The following LRP8 variants were observed in gnomAD, a reference collection of about 807,000 sequenced individuals.
The protein encoded by LRP8 is LDL receptor related protein 8, also known as low-density lipoprotein receptor-related protein 8.
In LRP8, 46 loss-of-function variants were observed where a neutral mutation model predicts 111.6. The ratio of observed to expected loss-of-function variants is 0.41; its 90% CI spans 0.33 to 0.53. LRP8 has a LOEUF of 0.53. Among genes scored for constraint, LRP8 ranks in the 20% least tolerant of loss-of-function variants. The pLI is 0.20. For missense variants in LRP8, 959 were observed against 1,297.4 expected, an observed-to-expected ratio of 0.74 and a Z score of 4.01; for synonymous variants, 464 against 511.2, an observed-to-expected ratio of 0.91 and a Z score of 1.24.
chr1:53,276,589 T>C, intron 5 of LRP8, 103 bp downstream of exon 5: 1 of 896,876 alleles, frequency 1.1e-6, no homozygotes, highest in Non-Finnish European at 1.5e-6. Context: ...CCGGGTAATG[T>C]ATTCAGGTAA....
chr1:53,243,806 G>C lies in LRP8; in HGVS notation c.*3212C>G, dbSNP rs1056147866. 6.6e-6 allele frequency: 1 copy of C among 152,162 alleles called. No homozygotes were observed. Among genetic ancestry groups the C allele is most frequent in the Admixed American group, 6.5e-5 (1 of 15,280 alleles). 9.4% of individuals were successfully genotyped at this position (152,162 alleles called of 1,614,324 possible). On this transcript the variant is annotated 3_prime_UTR_variant, in exon 19 of 19. Coordinates refer to ENST00000306052, the MANE Select transcript of LRP8 (RefSeq NM_004631.5). ...GACCCTATTCCTCATTTCTTAGGTG[G>C]AAAGACCCCTCTCTCCTTTGAGCCC...
At chr1:53,327,459 G>A in intron 1 of LRP8, 1 of 266,808 alleles carries the variant, frequency 3.7e-6, no homozygotes, top group Admixed American at 5.4e-5. Context: ...GCCGCGGAGC[G>A]CGCGTGTCAA....
chr1:53,258,695 A>G (rs1337968486), intron 13 of LRP8, among the ~76,000 whole-genome samples: 6 of 150,828 alleles, frequency 4.0e-5, no homozygotes, highest in Admixed American at 3.3e-4. Context: ...CTGGTACTTT[A>G]GCGCACCTGT....
At chr1:53,321,208 C>T (rs375586957) in intron 2 of LRP8, among the ~76,000 whole-genome samples, 7 of 152,224 alleles carry the variant, frequency 4.6e-5, no homozygotes, top group African/African-American at 7.2e-5. Flanking sequence ...AAAAAGGACA[C>T]GTTGTGGGAG....
At chr1:53,277,123 G>C in intron 4 of LRP8, 45 bp from the exon 5 acceptor site, 2 of 1,412,144 alleles carry the variant, frequency 1.4e-6, no homozygotes, top group Non-Finnish European at 1.8e-6. Flanking sequence ...CCCCTCCCCG[G>C]CCGACCTGGG....
At chr1:53,304,098 C>G (rs574720348) in intron 2 of LRP8, among the ~76,000 whole-genome samples, 5 of 152,182 alleles carry the variant, frequency 3.3e-5, no homozygotes, top group Admixed American at 2.0e-4. Flanking sequence ...ACTTGCTGAG[C>G]GATAAAGGAA....
At position 53,289,615 on chromosome 1, in the gene LRP8, C is replaced by T. The variant is rs935956412; in HGVS notation, c.319G>A (p.Gly107Ser). Residue 107 changes from glycine (G) to serine (S), a missense_variant, in exon 3 of 19, where the codon GGC (glycine) becomes AGC (serine). This residue lies in a region of LRP8 where 43 missense variants were observed against 92.4 expected (regional missense o/e 0.47). Coordinates refer to ENST00000306052, the MANE Select transcript of LRP8 (RefSeq NM_004631.5). ...GAGCCATCAGGACACTCCTCCTCGC[C>T]GTCACACTTCCACCGTTCGTGGATG... The part of the protein sequence containing the change: ...HCIHERWKCD[G>S]EEECPDGSDE... 11 of 1,612,098 alleles carry T rather than the reference C, an allele frequency of 6.8e-6. No individual in the cohort carries two copies. The highest frequency in any genetic ancestry group is 2.7e-5 in the African/African-American group (2 of 74,862).
intron 2 of LRP8, among the ~76,000 whole-genome samples, chr1:53,316,239 T>C (rs1653776868): frequency 6.6e-6 from 1 of 152,110 alleles, no homozygotes; most frequent in Admixed American, 6.5e-5. Context: ...AAGCCAGGTC[T>C]GGCTGCTGCT....
intron 8 of LRP8, among the ~76,000 whole-genome samples, chr1:53,270,574 C>A (rs1417581308): frequency 6.6e-6 from 1 of 152,078 alleles, no homozygotes; most frequent in African/African-American, 2.4e-5. Flanking sequence ...CAGGCAGGGA[C>A]TTAAAGCAGG....
chr1:53,281,536 G>A (rs578158475), intron 3 of LRP8, among the ~76,000 whole-genome samples: 7 of 152,334 alleles, frequency 4.6e-5, no homozygotes, highest in African/African-American at 1.7e-4. Context: ...TGGTCTCTAG[G>A]ATGTGCCAGG....
intron 2 of LRP8, among the ~76,000 whole-genome samples, chr1:53,315,689 C>T (rs1477071767): frequency 6.6e-6 from 1 of 152,158 alleles, no homozygotes; most frequent in Non-Finnish European, 1.5e-5. Context: ...ACCAAATGGG[C>T]CTGGAAGGGG....
At chr1:53,281,313 G>T (rs180795611) in intron 3 of LRP8, among the ~76,000 whole-genome samples, 1 of 152,350 alleles carries the variant, frequency 6.6e-6, no homozygotes, top group East Asian at 1.9e-4. Flanking sequence ...TACTGCAGCC[G>T]CAATCAGAGG....
At chr1:53,278,462 A>G (rs890101898) in intron 4 of LRP8, among the ~76,000 whole-genome samples, 1 of 152,184 alleles carries the variant, frequency 6.6e-6, no homozygotes, top group Admixed American at 6.5e-5. Flanking sequence ...AAAAATGTGA[A>G]TTTTCATTGT....
chr1:53,303,712 A>C lies in LRP8; in HGVS notation c.245-14023T>G, dbSNP rs1651413724. ...ACAAAACCCTAGAAGCTTCTAATCT[A>C]ATCCAGGCACCAGGAGTGGCAAAGG... is the stretch of plus-strand genomic sequence containing the variant. On this transcript the variant is annotated intron_variant, in intron 2 of 18. Coordinates refer to ENST00000306052, the MANE Select transcript of LRP8 (RefSeq NM_004631.5). This position sits in a 1 kb window ranked among gnomAD's most constrained non-coding sequence, Gnocchi z 4.3. 6.6e-6 allele frequency among the ~76,000 whole-genome samples: 1 copy of C among 152,198 alleles called. No homozygotes were observed. Among genetic ancestry groups the C allele is most frequent in the African/African-American group, 2.4e-5 (1 of 41,454 alleles).
At chr1:53,302,856 ATTT>A (rs769628078) in intron 2 of LRP8, among the ~76,000 whole-genome samples, 2 of 126,604 alleles carry the variant, frequency 1.6e-5, no homozygotes, top group East Asian at 2.6e-4. Flanking sequence ...CACCCAGCTA[ATTT>A]TTTTTTTTTT....
intron 4 of LRP8, among the ~76,000 whole-genome samples, chr1:53,277,319 A>T (rs1646958206): frequency 6.6e-6 from 1 of 152,194 alleles, no homozygotes; most frequent in Non-Finnish European, 1.5e-5. Flanking sequence ...GTAAATGAGC[A>T]TGAGCATGGT....
Position 53,262,713 on chromosome 1 carries a change from T to C in LRP8, c.1656-149A>G. The C allele has an allele frequency of 1.4e-6, 1 of 692,060 alleles. No homozygotes were observed. The highest frequency in any genetic ancestry group is 2.5e-5 in the East Asian group (1 of 40,418). The allele number at this position is 692,060 out of a possible 1,614,324, so 42.9% of individuals were successfully genotyped here. A position where few individuals can be genotyped will look rare whatever the true frequency, so the allele number is the denominator to read the frequency against. On this transcript the variant is annotated intron_variant, in intron 10 of 18. Coordinates refer to ENST00000306052, the MANE Select transcript of LRP8 (RefSeq NM_004631.5). The surrounding 1 kb of genome is among the most constrained non-coding windows in gnomAD (Gnocchi z 4.8). ...TCTAAAGTTCTTTTGAACCATCAAA[T>C]CTTAGATTTAGCAGGCACTTTAGCC...
At chr1:53,318,050 A>C (rs1280258141) in intron 2 of LRP8, among the ~76,000 whole-genome samples, 1 of 152,216 alleles carries the variant, frequency 6.6e-6, no homozygotes, top group African/African-American at 2.4e-5. Context: ...GTCTGCTCCA[A>C]GTGCTGGGGG....
chr1:53,267,925 C>T (rs1013071129), intron 8 of LRP8: 1 of 152,352 alleles, frequency 6.6e-6, no homozygotes, highest in Non-Finnish European at 1.5e-5. Flanking sequence ...TGTTTTCCAG[C>T]TGACACTTCT....
Sources: gnomAD v4.1 joint callset for allele counts (sites outside exome capture counted in the v4.1 genomes callset) on GRCh38, gnomAD v4.1.1 for gene constraint, gnomAD v4.1.1 regional missense constraint, Gnocchi (gnomAD v3.1) non-coding constraint, MANE v1.5 for transcripts, NCBI Gene and HGNC (gene_info 2026-07-23, HGNC 2026-07-21) for gene names.